The following ADAMTSL3 variants were observed in gnomAD, a reference collection of about 807,000 sequenced individuals.
ADAMTSL3 encodes the protein ADAMTS like 3.
In ADAMTSL3, 128 loss-of-function variants were observed where a neutral mutation model predicts 201.7. The ratio of observed to expected loss-of-function variants is 0.63; its 90% CI spans 0.55 to 0.73. The LOEUF (loss-of-function observed/expected upper bound fraction) is 0.73, where lower values mean the gene tolerates loss of function less well. Among genes scored for constraint, ADAMTSL3 ranks in the 30% least tolerant of loss-of-function variants. The pLI is 0.00. For synonymous variants in ADAMTSL3, 738 were observed against 748.4 expected (o/e 0.99, Z 0.23); for missense variants, 1,990 against 2,119.6 (o/e 0.94, Z 1.20).
chr15:83,906,565 T>C (rs2065835722), intron 15 of ADAMTSL3, among the ~76,000 whole-genome samples: 1 of 151,014 alleles, frequency 6.6e-6, no homozygotes, highest in Non-Finnish European at 1.5e-5. Flanking sequence ...GTGGTTGAAT[T>C]CTGGGAAAAC....
intron 8 of ADAMTSL3, among the ~76,000 whole-genome samples, chr15:83,869,268 C>T (rs1346837988): frequency 6.6e-6 from 1 of 152,044 alleles, no homozygotes; most frequent in Non-Finnish European, 1.5e-5. Context: ...CATTTACTAT[C>T]TCTAGTTCCC....
At chr15:83,704,244 G>A (rs182597660) in intron 2 of ADAMTSL3, 145 bp from the exon 3 acceptor site, 811 of 1,251,358 alleles carry the variant, frequency 6.5e-4, no homozygotes, top group Non-Finnish European at 8.6e-4. Context: ...CCTCACCCTG[G>A]TCTTTGCCAA....
At chr15:84,023,890 T>C (rs563684668) in intron 26 of ADAMTSL3, among the ~76,000 whole-genome samples, 3 of 152,220 alleles carry the variant, frequency 2.0e-5, no homozygotes, top group Non-Finnish European at 4.4e-5. Context: ...TTTTTGAATA[T>C]GTAAAATAAA....
intron 4 of ADAMTSL3, among the ~76,000 whole-genome samples, chr15:83,804,387 C>T (rs1375537409): frequency 6.6e-6 from 1 of 151,974 alleles, no homozygotes; most frequent in Admixed American, 6.6e-5. Context: ...TTATATGGAC[C>T]CTTGGGTAAG....
chr15:84,036,948 C>T lies in ADAMTSL3; in HGVS notation c.4930C>T (p.Pro1644Ser), dbSNP rs2068521546. Residue 1644 changes from proline (P) to serine (S), a missense_variant, in exon 29 of 30, where the codon CCA becomes TCA. Transcript: ENST00000286744. ...GAGACACTGTGTACAGAAAAAGAAA[C>T]CAATTTCCTGGCGGCACTGTCTTGG... ...AKRHCVQKKK[P>S]ISWRHCLGPS... 4.3e-6 allele frequency: 7 copies of T among 1,613,976 alleles called. No homozygotes were observed. The highest frequency in any genetic ancestry group is 1.3e-5 in the African/African-American group (1 of 74,902).
intron 13 of ADAMTSL3, among the ~76,000 whole-genome samples, chr15:83,895,811 T>C (rs376163226): frequency 1.3e-5 from 2 of 151,892 alleles, no homozygotes; most frequent in African/African-American, 4.8e-5. Context: ...AATTTGGGGG[T>C]AGGTGAGTCA....
At chr15:83,995,448 C>T (rs1382451520) in intron 23 of ADAMTSL3, among the ~76,000 whole-genome samples, 1 of 152,140 alleles carries the variant, frequency 6.6e-6, no homozygotes, top group Non-Finnish European at 1.5e-5. Context: ...TGGTGAGACT[C>T]AAACAGTCCC....
At chr15:84,034,607 G>A (rs898493549) in intron 28 of ADAMTSL3, among the ~76,000 whole-genome samples, 3 of 152,150 alleles carry the variant, frequency 2.0e-5, no homozygotes, top group Non-Finnish European at 2.9e-5. Context: ...GAATCACCTA[G>A]GAAATTTCTG....
intron 4 of ADAMTSL3, among the ~76,000 whole-genome samples, chr15:83,782,025 C>T (rs2063177943): frequency 6.6e-6 from 1 of 152,042 alleles, no homozygotes; most frequent in African/African-American, 2.4e-5. Flanking sequence ...TGCTCAGAGA[C>T]CTAAAAACAG....
intron 3 of ADAMTSL3, among the ~76,000 whole-genome samples, chr15:83,765,088 A>G (rs2062869672): frequency 6.6e-6 from 1 of 152,188 alleles, no homozygotes; most frequent in Non-Finnish European, 1.5e-5. Context: ...TGAAGAAGAG[A>G]GAAGTAAAAC....
intron 3 of ADAMTSL3, among the ~76,000 whole-genome samples, chr15:83,715,204 G>A (rs1307517991): frequency 6.6e-6 from 1 of 152,142 alleles, no homozygotes; most frequent in Non-Finnish European, 1.5e-5. Flanking sequence ...TTTCTGCTGA[G>A]CCTCATGTCC....
intron 2 of ADAMTSL3, among the ~76,000 whole-genome samples, chr15:83,666,671 C>T (rs958377270): frequency 6.6e-6 from 1 of 151,834 alleles, no homozygotes; most frequent in Admixed American, 6.6e-5. Flanking sequence ...GACCCCCATC[C>T]CTACAACAGA....
At chr15:83,798,410 GGT>G (rs1409408539) in intron 4 of ADAMTSL3, among the ~76,000 whole-genome samples, 1 of 152,142 alleles carries the variant, frequency 6.6e-6, no homozygotes, top group Non-Finnish European at 1.5e-5. Context: ...TAGTTTCTGT[GGT>G]GTTTCAGAAG....
At chr15:83,690,125 C>T (rs2061592376) in intron 2 of ADAMTSL3, among the ~76,000 whole-genome samples, 1 of 151,882 alleles carries the variant, frequency 6.6e-6, no homozygotes, top group Non-Finnish European at 1.5e-5. Flanking sequence ...GTTCATTTTC[C>T]TCTCAATCCT....
At chr15:83,662,141 T>C (rs1180725944) in intron 2 of ADAMTSL3, among the ~76,000 whole-genome samples, 49 of 145,994 alleles carry the variant, frequency 3.4e-4, no homozygotes, top group Middle Eastern at 7.0e-3. Context: ...TATTGCGGCA[T>C]TATTCACAAT....
chr15:83,688,284 T>C (rs2061564041), intron 2 of ADAMTSL3, among the ~76,000 whole-genome samples: 1 of 152,194 alleles, frequency 6.6e-6, no homozygotes, highest in African/African-American at 2.4e-5. Flanking sequence ...GTTGCCACAT[T>C]ATATTATTTA....
intron 22 of ADAMTSL3, among the ~76,000 whole-genome samples, chr15:83,990,659 C>T (rs1468126692): frequency 6.6e-6 from 1 of 152,164 alleles, no homozygotes; most frequent in Non-Finnish European, 1.5e-5. Flanking sequence ...AGTCCCAAGC[C>T]CCAGTGTGTT....
At chr15:83,874,941 A>C (rs1285964413) in intron 9 of ADAMTSL3, among the ~76,000 whole-genome samples, 1 of 145,466 alleles carries the variant, frequency 6.9e-6, no homozygotes, top group Non-Finnish European at 1.5e-5. Context: ...GGACCTTCTC[A>C]GCGAGGAAAC....
chr15:83,956,407 T>A (rs971063307), intron 19 of ADAMTSL3, among the ~76,000 whole-genome samples: 11 of 152,250 alleles, frequency 7.2e-5, no homozygotes, highest in Non-Finnish European at 1.6e-4. Flanking sequence ...TTTTAGTTCT[T>A]ATGAAGGTGC....
Sources: gnomAD v4.1 joint callset for allele counts (sites outside exome capture counted in the v4.1 genomes callset) on GRCh38, gnomAD v4.1.1 for gene constraint, MANE v1.5 for transcripts, NCBI Gene and HGNC (gene_info 2026-07-23, HGNC 2026-07-21) for gene names.